Variants in MPHOSPH8 observed in about 807,000 individuals in gnomAD.
MPHOSPH8 encodes M-phase phosphoprotein, mpp.
Under a neutral mutation model 87.3 loss-of-function variants are expected in MPHOSPH8, and 45 were observed. That is an observed-to-expected ratio of 0.52 (90% CI 0.41 to 0.66). The LOEUF (loss-of-function observed/expected upper bound fraction) is 0.66. Among genes scored for constraint, MPHOSPH8 ranks in the 30% least tolerant of loss-of-function variants. The pLI is 0.00. For missense variants in MPHOSPH8, 883 were observed against 1,020.2 expected, an observed-to-expected ratio of 0.87 and a Z score of 1.83; for synonymous variants, 366 against 376.9, an observed-to-expected ratio of 0.97 and a Z score of 0.33.
chr13:19,639,980 C>T (rs1458474771), intron 1 of MPHOSPH8, among the ~76,000 whole-genome samples: 1 of 152,118 alleles, frequency 6.6e-6, no homozygotes, highest in Non-Finnish European at 1.5e-5. Context: ...GTGGTGCCCA[C>T]CTGTAATCTC....
chr13:19,639,842 TGCCTGTAATCTCAGCATTTTGGGAG>T (rs1460161582), intron 1 of MPHOSPH8, among the ~76,000 whole-genome samples: 6 of 152,238 alleles, frequency 3.9e-5, no homozygotes, highest in Admixed American at 3.9e-4. Flanking sequence ...CAGAGGCTCA[TGCCTGTAATCTCAGCATTTTGGGAG>T]GCCGAGGCGG....
rs761399873 is a variant in MPHOSPH8, at chr13:19,671,898, A to G, written c.*23A>G. 105 of 1,610,774 alleles carry G rather than the reference A, an allele frequency of 6.5e-5. No homozygotes were observed. The highest frequency in any genetic ancestry group is 8.5e-5 in the Non-Finnish European group (100 of 1,177,084). ...TGACCAAACAGAAGGGACTGGGCGG[A>G]GTTCTCTTCAGACCGATTCCTATAC... is the stretch of plus-strand genomic sequence containing the variant. On this transcript the variant is annotated 3_prime_UTR_variant, in exon 14 of 14. Coordinates refer to ENST00000361479, the MANE Select transcript of MPHOSPH8 (RefSeq NM_017520.4).
At chr13:19,662,530 G>A (rs1033065659) in intron 8 of MPHOSPH8, among the ~76,000 whole-genome samples, 4 of 152,292 alleles carry the variant, frequency 2.6e-5, no homozygotes, top group African/African-American at 9.6e-5. Flanking sequence ...ATGAGCCACC[G>A]CACCCAGCTG....
chr13:19,634,090 C>A, intron 1 of MPHOSPH8, 129 bp downstream of exon 1: 1 of 957,980 alleles, frequency 1.0e-6, no homozygotes, highest in South Asian at 1.5e-5. Context: ...TCAATGCAAG[C>A]ACGCGAAATC....
rs1437386376 is a variant in MPHOSPH8, at chr13:19,647,227, C to A, written c.1154C>A (p.Thr385Lys). The A allele has an allele frequency of 6.2e-7, 1 of 1,613,880 alleles. No individual in the cohort carries two copies. Among genetic ancestry groups the A allele is most frequent in the African/African-American group, 1.3e-5 (1 of 74,914 alleles). Reference sequence around the variant, plus strand: ...AAGCTGATGCCTGTATCTGCCCAAACGCCAAAGGGCCGGAGGTTGAGCGGG... The same window carrying A: ...AAGCTGATGCCTGTATCTGCCCAAAAGCCAAAGGGCCGGAGGTTGAGCGGG... ...LEKLMPVSAQ[T>K]PKGRRLSGEE... The change falls in exon 3 of 14, where the codon ACG becomes AAG. Residue 385 changes from threonine to lysine, a missense_variant. Around this residue, in one of 3 missense-constraint regions of MPHOSPH8, gnomAD observed 741 missense variants for 841.5 expected, o/e 0.88. Coordinates refer to ENST00000361479, the MANE Select transcript of MPHOSPH8 (RefSeq NM_017520.4).
chr13:19,654,440 A>G (rs972248836), intron 5 of MPHOSPH8, among the ~76,000 whole-genome samples: 2 of 152,194 alleles, frequency 1.3e-5, no homozygotes. Flanking sequence ...ACAGACCTGC[A>G]TGCTCTGCAC....
intron 1 of MPHOSPH8, 96 bp from the exon 2 acceptor site, chr13:19,642,019 T>G: frequency 3.7e-6 from 4 of 1,083,382 alleles, no homozygotes; most frequent in Non-Finnish European, 5.0e-6. Context: ...AATTTTCAAG[T>G]TCTTTCATGT....
intron 10 of MPHOSPH8, among the ~76,000 whole-genome samples, chr13:19,667,879 C>T (rs945238005): frequency 9.9e-5 from 15 of 152,116 alleles, no homozygotes; most frequent in African/African-American, 3.1e-4. Flanking sequence ...CAGACAGTAG[C>T]GAACTCAAGG....
intron 1 of MPHOSPH8, among the ~76,000 whole-genome samples, chr13:19,634,727 A>T (rs1282793498): frequency 6.6e-6 from 1 of 152,154 alleles, no homozygotes; most frequent in Non-Finnish European, 1.5e-5. Context: ...CATTTAAGCC[A>T]TTATCGTTCT....
At chr13:19,663,454 G>A (rs893397867) in intron 9 of MPHOSPH8, among the ~76,000 whole-genome samples, 3 of 152,198 alleles carry the variant, frequency 2.0e-5, no homozygotes, top group African/African-American at 7.2e-5. Flanking sequence ...CAAGTCAGCC[G>A]GGAGGGAGCA....
At chr13:19,663,473 G>A (rs770600692) in intron 9 of MPHOSPH8, among the ~76,000 whole-genome samples, 65 of 152,230 alleles carry the variant, frequency 4.3e-4, no homozygotes, top group Non-Finnish European at 4.6e-4. Flanking sequence ...CACTCCGGCC[G>A]CAGCTGGAGC....
chr13:19,648,457 A>G lies in MPHOSPH8; in HGVS notation c.1254A>G (p.Lys418=), dbSNP rs1253782332. ...KETKRNESKE[K]YQKRHDSDKE... is the part of the protein sequence containing the mutation. ...CCAAAAGAAATGAATCCAAAGAAAA[A>G]TATCAGAAAAGGCATGATTCTGACA... Residue 418 remains lysine (K), a synonymous_variant, in exon 4 of 14, where the codon AAA becomes AAG. Coordinates refer to ENST00000361479, the MANE Select transcript of MPHOSPH8 (RefSeq NM_017520.4). 1 of 1,590,550 alleles carries G rather than the reference A, an allele frequency of 6.3e-7. No individual in the cohort carries two copies. Among genetic ancestry groups the G allele is most frequent in the East Asian group, 2.3e-5 (1 of 43,246 alleles).
At chr13:19,651,870 C>T (rs1874868104) in intron 5 of MPHOSPH8, among the ~76,000 whole-genome samples, 1 of 152,050 alleles carries the variant, frequency 6.6e-6, no homozygotes, top group African/African-American at 2.4e-5. Context: ...GAGGCCGAGG[C>T]AGGCAGATCA....
In MPHOSPH8 at chr13:19,670,334, AATG is replaced by A. The variant is rs766533528; in HGVS notation, c.2431_2433del (p.Asp811del). The A allele has an allele frequency of 1.2e-6, 2 of 1,614,086 alleles. No homozygotes were observed. The highest frequency in any genetic ancestry group is 1.7e-6 in the Non-Finnish European group (2 of 1,179,942). On this transcript the variant is annotated inframe_deletion, in exon 12 of 14. Coordinates refer to ENST00000361479, the MANE Select transcript of MPHOSPH8 (RefSeq NM_017520.4). ...GTGTAGTGTACAAGCTGTAGTTCTG[AATG>A]ATAAATTTCAGCTTCCTGTTTTTCT... is the stretch of plus-strand genomic sequence containing the variant.
intron 3 of MPHOSPH8, 29 bp downstream of exon 3, chr13:19,647,320 C>G: frequency 6.5e-7 from 1 of 1,544,194 alleles, no homozygotes; most frequent in Non-Finnish European, 8.7e-7. Flanking sequence ...AGCAGAAAAC[C>G]CATGTTGAGT....
At chr13:19,666,861 CT>C (rs1471926469) in intron 10 of MPHOSPH8, among the ~76,000 whole-genome samples, 1 of 152,150 alleles carries the variant, frequency 6.6e-6, no homozygotes, top group African/African-American at 2.4e-5. Context: ...CAAAGGTTTT[CT>C]TAAAAACATT....
intron 9 of MPHOSPH8, among the ~76,000 whole-genome samples, chr13:19,664,023 G>A (rs374560028): frequency 2.6e-5 from 4 of 152,042 alleles, no homozygotes; most frequent in Non-Finnish European, 4.4e-5. Context: ...TCCTTCTGTC[G>A]CCCGGGCTGG....
chr13:19,662,609 A>C (rs950774598), intron 8 of MPHOSPH8, among the ~76,000 whole-genome samples: 2 of 152,224 alleles, frequency 1.3e-5, no homozygotes, highest in Non-Finnish European at 1.5e-5. Flanking sequence ...TCAGTAGTAC[A>C]TTGTAATCAC....
At chr13:19,666,297 G>C (rs1875810017) in intron 9 of MPHOSPH8, 128 bp from the exon 10 acceptor site, 1 of 998,322 alleles carries the variant, frequency 1.0e-6, no homozygotes, top group Admixed American at 2.3e-5. Context: ...GGCCCCAAAA[G>C]TTCTCTATCC....
Sources: gnomAD v4.1 joint callset for allele counts (sites outside exome capture counted in the v4.1 genomes callset) on GRCh38, gnomAD v4.1.1 for gene constraint, gnomAD v4.1.1 regional missense constraint, MANE v1.5 for transcripts, NCBI Gene and HGNC (gene_info 2026-07-23, HGNC 2026-07-21) for gene names.